PDE4B: variants seen among roughly 807,000 people sequenced by gnomAD.
PDE4B encodes 3',5'-cyclic-AMP phosphodiesterase 4B.
PDE4B carries 20 observed loss-of-function variants against 82.2 expected under a neutral mutation model. That is an observed-to-expected ratio of 0.24 (90% CI 0.17 to 0.35). The LOEUF is 0.35. Ranked by LOEUF, PDE4B falls within the 10% of genes least tolerant of loss-of-function variation. PDE4B has a pLI of 1.00. For missense variants in PDE4B, 655 were observed against 907.2 expected (o/e 0.72, Z 3.57); for synonymous variants, 320 against 318.9 (o/e 1.00, Z -0.04).
intron 3 of PDE4B, among the ~76,000 whole-genome samples, chr1:66,214,254 A>G (rs1650282133): frequency 1.3e-5 from 2 of 152,234 alleles, no homozygotes. Flanking sequence ...TAGACTTTAA[A>G]TGAAGAAAAG....
chr1:66,241,923 G>A (rs558300688), intron 3 of PDE4B, among the ~76,000 whole-genome samples: 4 of 152,196 alleles, frequency 2.6e-5, no homozygotes, highest in East Asian at 1.9e-4. Flanking sequence ...TGTCAGATGC[G>A]AGAAAAAACT....
chr1:66,016,354 G>T (rs939791431), intron 3 of PDE4B, among the ~76,000 whole-genome samples: 1 of 152,114 alleles, frequency 6.6e-6, no homozygotes, highest in Admixed American at 6.6e-5. Context: ...TCATTTGTTT[G>T]ATAAATATAT....
chr1:65,938,109 G>A (rs190720556), intron 3 of PDE4B, among the ~76,000 whole-genome samples: 54 of 152,276 alleles, frequency 3.5e-4, no homozygotes, highest in African/African-American at 1.2e-3. Context: ...ACACCTTTCA[G>A]TTTCCCACCT....
intron 7 of PDE4B, among the ~76,000 whole-genome samples, chr1:66,313,151 T>C (rs931579369): frequency 2.0e-5 from 3 of 152,248 alleles, no homozygotes; most frequent in African/African-American, 7.2e-5. Flanking sequence ...TTCCCTCTGC[T>C]TAAAATGCAC....
At chr1:65,979,189 A>G (rs1057011509) in intron 3 of PDE4B, among the ~76,000 whole-genome samples, 6 of 152,230 alleles carry the variant, frequency 3.9e-5, no homozygotes, top group Admixed American at 3.3e-4. Context: ...TAAGGGATAT[A>G]TAATGTCAGT....
intron 8 of PDE4B, among the ~76,000 whole-genome samples, chr1:66,354,223 C>A (rs1570757648): frequency 6.6e-6 from 1 of 152,144 alleles, no homozygotes; most frequent in Admixed American, 6.5e-5. Flanking sequence ...TAATCAAATG[C>A]ATCATCACTT....
At chr1:66,059,707 C>T (rs1423180800) in intron 3 of PDE4B, among the ~76,000 whole-genome samples, 2 of 152,224 alleles carry the variant, frequency 1.3e-5, no homozygotes, top group African/African-American at 4.8e-5. Flanking sequence ...TAACCTCCCA[C>T]TGTGTCCCTC....
chr1:66,089,168 C>T (rs1261836879), intron 3 of PDE4B, among the ~76,000 whole-genome samples: 1 of 152,006 alleles, frequency 6.6e-6, no homozygotes, highest in African/African-American at 2.4e-5. Flanking sequence ...CTTAAAGCTC[C>T]AGTTTCTTCA....
intron 7 of PDE4B, among the ~76,000 whole-genome samples, chr1:66,273,121 A>T (rs1038034412): frequency 4.6e-5 from 7 of 152,146 alleles, no homozygotes; most frequent in Non-Finnish European, 8.8e-5. Flanking sequence ...TTTGCCTTCA[A>T]GATAAGACCT....
At chr1:65,876,555 G>C (rs1418939796) in intron 1 of PDE4B, among the ~76,000 whole-genome samples, 1 of 152,082 alleles carries the variant, frequency 6.6e-6, no homozygotes, top group Non-Finnish European at 1.5e-5. Flanking sequence ...AGGTGTCAGT[G>C]AGTGTTTAAA....
At chr1:66,311,567 T>C (rs1570670819) in intron 7 of PDE4B, among the ~76,000 whole-genome samples, 1 of 152,208 alleles carries the variant, frequency 6.6e-6, no homozygotes, top group African/African-American at 2.4e-5. Flanking sequence ...CCATGGCAGG[T>C]AGCTTGAGAG....
chr1:66,164,534 T>A (rs1158732940), intron 3 of PDE4B, among the ~76,000 whole-genome samples: 1 of 7,712 alleles, frequency 1.3e-4, no homozygotes, highest in Non-Finnish European at 2.3e-4. Context: ...AGACTCCGTC[T>A]CAAAAAAAAA....
intron 3 of PDE4B, among the ~76,000 whole-genome samples, chr1:65,956,333 G>T (rs1326482400): frequency 1.3e-5 from 2 of 152,096 alleles, no homozygotes; most frequent in Non-Finnish European, 2.9e-5. Context: ...TGCTGGTTTA[G>T]CTAACAGTTT....
intron 1 of PDE4B, among the ~76,000 whole-genome samples, chr1:65,849,466 A>T (rs1314626830): frequency 6.6e-6 from 1 of 152,126 alleles, no homozygotes; most frequent in African/African-American, 2.4e-5. Flanking sequence ...CATCCTGAGG[A>T]GGTGTTGAAA....
intron 3 of PDE4B, among the ~76,000 whole-genome samples, chr1:66,126,665 A>AC (rs1301437672): frequency 6.6e-6 from 1 of 152,218 alleles, no homozygotes; most frequent in Non-Finnish European, 1.5e-5. Flanking sequence ...TGCCATTAGA[A>AC]CCCAGGAGTA....
intron 3 of PDE4B, among the ~76,000 whole-genome samples, chr1:66,169,999 C>A (rs1333001184): frequency 6.6e-6 from 1 of 151,974 alleles, no homozygotes; most frequent in Admixed American, 6.6e-5. Context: ...ATTTACTCTG[C>A]AATAGTAAGT....
chr1:66,072,433 C>G (rs1333546619), intron 3 of PDE4B, among the ~76,000 whole-genome samples: 1 of 152,094 alleles, frequency 6.6e-6, no homozygotes, highest in Non-Finnish European at 1.5e-5. Context: ...CTTATAATTT[C>G]TCTAAGAGAA....
intron 3 of PDE4B, among the ~76,000 whole-genome samples, chr1:65,987,999 A>G (rs1651044307): frequency 6.6e-6 from 1 of 152,158 alleles, no homozygotes; most frequent in African/African-American, 2.4e-5. Flanking sequence ...TTGACTGTCT[A>G]CTCTGTGCCA....
chr1:66,220,689 A>G (rs997046251), intron 3 of PDE4B, among the ~76,000 whole-genome samples: 1 of 152,150 alleles, frequency 6.6e-6, no homozygotes, highest in African/African-American at 2.4e-5. Flanking sequence ...TTTTAATAGC[A>G]TAGACTTGGA....
Sources: allele counts gnomAD v4.1 joint callset (sites outside exome capture counted in the v4.1 genomes callset), GRCh38; gene constraint gnomAD v4.1.1; transcripts MANE v1.5; gene names NCBI Gene and HGNC (gene_info 2026-07-23, HGNC 2026-07-21).